MAPKAPK2: variants seen among roughly 807,000 people sequenced by gnomAD.
MAPKAPK2 encodes the protein MAP kinase-activated protein kinase 2.
Under a neutral mutation model 48.8 loss-of-function variants are expected in MAPKAPK2, and 9 were observed. The observed-to-expected ratio is 0.18, with a 90% CI of 0.11 to 0.32. The LOEUF (loss-of-function observed/expected upper bound fraction) is 0.32, where lower values mean the gene tolerates loss of function less well. Among genes scored for constraint, MAPKAPK2 ranks in the 10% least tolerant of loss-of-function variants. The pLI, the probability that MAPKAPK2 is intolerant of heterozygous loss-of-function variation, is 1.00. For synonymous variants in MAPKAPK2, 202 were observed against 190.6 expected, an observed-to-expected ratio of 1.06 and a Z score of -0.49; for missense variants, 331 against 498.3, an observed-to-expected ratio of 0.66 and a Z score of 3.20.
At chr1:206,703,441 A>G (rs1355196982) in intron 1 of MAPKAPK2, among the ~76,000 whole-genome samples, 2 of 152,070 alleles carry the variant, frequency 1.3e-5, no homozygotes, top group South Asian at 2.1e-4. Context: ...GGGCCTTCAT[A>G]TTTCTTTTCT....
At chr1:206,729,507 G>C (rs1407520428) in intron 4 of MAPKAPK2, 32 bp downstream of exon 4, 1 of 1,589,868 alleles carries the variant, frequency 6.3e-7, no homozygotes, top group Non-Finnish European at 8.6e-7. Flanking sequence ...GAGCCCGAGT[G>C]CTGTGGGGGG....
At chr1:206,718,532 CAAAAAAAA>C (rs60964142) in intron 1 of MAPKAPK2, among the ~76,000 whole-genome samples, 23 of 114,668 alleles carry the variant, frequency 2.0e-4, no homozygotes, top group African/African-American at 3.8e-4. Flanking sequence ...GACTCCATCT[CAAAAAAAA>C]AAAAAAAAAA....
Position 206,728,633 on chromosome 1 carries a change from G to A in MAPKAPK2, c.280-77G>A, listed in dbSNP as rs1673787890. 4 of 1,532,212 alleles carry A rather than the reference G, an allele frequency of 2.6e-6. No individual in the cohort carries two copies. In the South Asian group the frequency reaches 5.0e-5, roughly 19 times the overall value. 94.9% of individuals were successfully genotyped at this position (1,532,212 alleles called of 1,614,324 possible). ...GGGTTTGTGGTATGTCGGTGGCGAT[G>A]TCAGGGCATGTGGGCCAGGGGCTTA... On this transcript the variant is annotated intron_variant, in intron 1 of 9. Transcript: ENST00000367103.
In MAPKAPK2 at chr1:206,685,444, TG is replaced by T. The variant is rs1553425441; in HGVS notation, c.218del (p.Gly73AlafsTer63). 6.5e-7 allele frequency: 1 copy of T among 1,545,022 alleles called. No homozygotes were observed. Among genetic ancestry groups the T allele is most frequent in the Non-Finnish European group, 8.8e-7 (1 of 1,141,144 alleles). On this transcript the variant is annotated frameshift_variant, in exon 1 of 10. Transcript: ENST00000367103. LOFTEE classifies it high-confidence loss of function. ...AAGGTCACCAGCCAGGTCCTGGGGCTGGGCATCAACGGCAAAGTTTTGCAGA... is the reference window on the plus strand; with the variant it reads ...AAGGTCACCAGCCAGGTCCTGGGGCTGGCATCAACGGCAAAGTTTTGCAGA... ...DYKVTSQVLG[L>X]GINGKVLQIF...
intron 1 of MAPKAPK2, among the ~76,000 whole-genome samples, chr1:206,711,303 G>A (rs782078897): frequency 5.3e-5 from 8 of 152,088 alleles, no homozygotes; most frequent in Non-Finnish European, 8.8e-5. Flanking sequence ...AGGCTGGAGC[G>A]CAGTGGCGCT....
intron 1 of MAPKAPK2, among the ~76,000 whole-genome samples, chr1:206,701,632 G>A (rs141220860): frequency 0.014 from 2,084 of 151,986 alleles, 35 homozygotes; most frequent in African/African-American, 0.048. Flanking sequence ...CCAGGAGTTC[G>A]AGACCAGCCT....
At chr1:206,696,317 T>A in intron 1 of MAPKAPK2, 1 of 826,006 alleles carries the variant, frequency 1.2e-6, no homozygotes, top group Non-Finnish European at 2.1e-6. Flanking sequence ...AGGCACCTCT[T>A]TAGATATCGG....
At chr1:206,715,136 T>A (rs1558582365) in intron 1 of MAPKAPK2, among the ~76,000 whole-genome samples, 1 of 152,242 alleles carries the variant, frequency 6.6e-6, no homozygotes, top group Non-Finnish European at 1.5e-5. Flanking sequence ...TGTGTGTAAA[T>A]GTTTAGCTTG....
intron 1 of MAPKAPK2, among the ~76,000 whole-genome samples, chr1:206,697,219 G>T (rs1672657935): frequency 6.6e-6 from 1 of 152,164 alleles, no homozygotes; most frequent in African/African-American, 2.4e-5. Flanking sequence ...TACAGCTCCT[G>T]GCATTTTCTA....
chr1:206,714,764 CAAAA>C (rs373824626), intron 1 of MAPKAPK2, among the ~76,000 whole-genome samples: 3 of 116,080 alleles, frequency 2.6e-5, no homozygotes, highest in African/African-American at 3.6e-5. Flanking sequence ...AACTCGGTCA[CAAAA>C]AAAAAAAAAA....
At position 206,732,155 on chromosome 1, in the gene MAPKAPK2, G is replaced by T. The variant is rs1673936088; in HGVS notation, c.1059+236G>T. On this transcript the variant is annotated intron_variant, in intron 9 of 9. Coordinates refer to ENST00000367103, the MANE Select transcript of MAPKAPK2 (RefSeq NM_032960.4). The surrounding 1 kb of genome is among the most constrained non-coding windows in gnomAD (Gnocchi z 4.4). The stretch of plus-strand genomic sequence containing the variant: ...TTCTTAGAATCCTTTTATTCCCTGG[G>T]TCTCTAATGGGACCTTAAAGACCAT... 9 of 1,612,452 alleles carry T rather than the reference G, an allele frequency of 5.6e-6. No homozygotes were observed. Among genetic ancestry groups the T allele is most frequent in the Non-Finnish European group, 7.6e-6 (9 of 1,178,696 alleles).
chr1:206,717,027 C>T (rs1673357187), intron 1 of MAPKAPK2, among the ~76,000 whole-genome samples: 1 of 152,106 alleles, frequency 6.6e-6, no homozygotes, highest in African/African-American at 2.4e-5. Context: ...AGGCCTGATG[C>T]GAATAGGGCA....
chr1:206,726,817 A>G (rs144006027), intron 1 of MAPKAPK2, among the ~76,000 whole-genome samples: 3 of 152,384 alleles, frequency 2.0e-5, no homozygotes, highest in Middle Eastern at 3.4e-3. Flanking sequence ...GGGCCATAGC[A>G]TAAATGTATG....
At chr1:206,705,617 C>T (rs1672929247) in intron 1 of MAPKAPK2, among the ~76,000 whole-genome samples, 2 of 152,152 alleles carry the variant, frequency 1.3e-5, no homozygotes, top group African/African-American at 4.8e-5. Flanking sequence ...AGCAGGTGGG[C>T]TGGATGCTTT....
intron 1 of MAPKAPK2, among the ~76,000 whole-genome samples, chr1:206,715,707 A>G (rs982466378): frequency 2.1e-5 from 3 of 145,800 alleles, no homozygotes; most frequent in Non-Finnish European, 4.5e-5. Flanking sequence ...GGCTCACTGC[A>G]GCCTTGACCT....
intron 1 of MAPKAPK2, among the ~76,000 whole-genome samples, chr1:206,708,716 A>G (rs1038218448): frequency 1.1e-4 from 16 of 152,188 alleles, no homozygotes; most frequent in Admixed American, 3.9e-4. Context: ...AACCTCTGTC[A>G]ACTATAGAAC....
intron 1 of MAPKAPK2, among the ~76,000 whole-genome samples, chr1:206,702,620 G>C (rs1272785279): frequency 6.6e-6 from 1 of 152,218 alleles, no homozygotes; most frequent in Admixed American, 6.5e-5. Context: ...CAGAGACATT[G>C]AGAGATTCAG....
intron 1 of MAPKAPK2, among the ~76,000 whole-genome samples, chr1:206,686,629 C>G (rs991442465): frequency 1.3e-5 from 2 of 152,190 alleles, no homozygotes; most frequent in Non-Finnish European, 2.9e-5. Context: ...TTATATTTTT[C>G]TCTTCCCCTT....
chr1:206,699,886 G>A (rs1268607695), intron 1 of MAPKAPK2, among the ~76,000 whole-genome samples: 3 of 151,978 alleles, frequency 2.0e-5, no homozygotes, highest in Non-Finnish European at 4.4e-5. Flanking sequence ...AGCATGTCCT[G>A]TGACAAAGGA....
Sources: allele counts gnomAD v4.1 joint callset (sites outside exome capture counted in the v4.1 genomes callset), GRCh38; gene constraint gnomAD v4.1.1; non-coding constraint Gnocchi (gnomAD v3.1); transcripts MANE v1.5; gene names NCBI Gene and HGNC (gene_info 2026-07-23, HGNC 2026-07-21).